Variants in PARD3 observed in about 807,000 individuals in gnomAD.
The protein encoded by PARD3 is par-3 family cell polarity regulator.
A neutral mutation model predicts 155.4 loss-of-function variants in PARD3; 75 were observed. The observed-to-expected ratio is 0.48, with a 90% CI of 0.40 to 0.58. PARD3 has a LOEUF of 0.58. PARD3 is among the 20% of genes least tolerant of loss of function. The pLI is 0.00. For missense variants in PARD3, 1,642 were observed against 1,721.7 expected (o/e 0.95, Z 0.82); for synonymous variants, 576 against 610.5 (o/e 0.94, Z 0.83).
intron 2 of PARD3, among the ~76,000 whole-genome samples, chr10:34,670,287 T>C (rs1410360300): frequency 6.6e-6 from 1 of 152,212 alleles, no homozygotes; most frequent in Non-Finnish European, 1.5e-5. Context: ...CTGACACCAA[T>C]ACCAGCCAGC....
Position 34,229,918 on chromosome 10 carries a change from A to C in PARD3, c.3419+39739T>G, listed in dbSNP as rs560185064. On this transcript the variant is annotated intron_variant, in intron 22 of 24. Transcript: ENST00000374788. ...TACCTTTTCTTACATAAAAGTCTTAAGTGAGAACTATTCATCTAGCTTTTG... is the reference window on the plus strand; with the variant it reads ...TACCTTTTCTTACATAAAAGTCTTACGTGAGAACTATTCATCTAGCTTTTG... Among the ~76,000 whole-genome samples the C allele has an allele frequency of 4.1e-4, 62 of 152,240 alleles. 1 individual carries two copies. Among genetic ancestry groups the C allele is most frequent in the African/African-American group, 1.5e-3 (61 of 41,478 alleles).
intron 1 of PARD3, among the ~76,000 whole-genome samples, chr10:34,769,795 AAAAC>A (rs1312731265): frequency 5.8e-5 from 1 of 17,338 alleles, no homozygotes; most frequent in African/African-American, 9.3e-5. Context: ...AACGAACAAA[AAAAC>A]AAAACAAAAA....
chr10:34,390,987 G>C lies in PARD3; in HGVS notation c.891-6733C>G, dbSNP rs147416047. On this transcript the variant is annotated intron_variant, in intron 7 of 24. Transcript: ENST00000374788. ...TGTCAATTCCAAATAAGATCCTACAGGTTCTGCTGACTCCCCCATTGAGTG... is the reference window on the plus strand; with the variant it reads ...TGTCAATTCCAAATAAGATCCTACACGTTCTGCTGACTCCCCCATTGAGTG... 3.0e-3 allele frequency among the ~76,000 whole-genome samples: 456 copies of C among 152,288 alleles called. 2 individuals are homozygous for C. The highest frequency in any genetic ancestry group is 0.01 in the African/African-American group (432 of 41,560).
At chr10:34,130,771 A>G (rs78941375) in intron 23 of PARD3, among the ~76,000 whole-genome samples, 1 of 152,224 alleles carries the variant, frequency 6.6e-6, no homozygotes, top group African/African-American at 2.4e-5. Flanking sequence ...AAGAATCAAG[A>G]ATTACTAGAC....
At chr10:34,203,279 T>C (rs1308600280) in intron 22 of PARD3, among the ~76,000 whole-genome samples, 1 of 152,180 alleles carries the variant, frequency 6.6e-6, no homozygotes, top group African/African-American at 2.4e-5. Context: ...CAAAATGGAT[T>C]AATCACCCAT....
intron 20 of PARD3, among the ~76,000 whole-genome samples, chr10:34,292,238 C>T (rs1478970522): frequency 1.3e-5 from 2 of 152,192 alleles, no homozygotes; most frequent in Admixed American, 6.5e-5. Context: ...ATTCTGGCCA[C>T]ATTTTTTGTA....
At chr10:34,400,142 G>A (rs1032181615) in intron 6 of PARD3, among the ~76,000 whole-genome samples, 6 of 152,278 alleles carry the variant, frequency 3.9e-5, no homozygotes, top group Admixed American at 2.6e-4. Flanking sequence ...AAAATTGCTC[G>A]AAATTAATTT....
rs531578595 is a variant in PARD3 at position 34,606,965 on chromosome 10, TAAAAAAAAAAA to T, written c.222+89342_222+89352del. On this transcript the variant is annotated intron_variant, in intron 2 of 24. Coordinates refer to ENST00000374788, the MANE Select transcript of PARD3 (RefSeq NM_001184785.2). ...CTGGTGACAGAGAGAGACTCTGTCT[TAAAAAAAAAAA>T]AAAAAAAAAAGACAGCCAAACACAG... Among the ~76,000 whole-genome samples the T allele has an allele frequency of 2.4e-4, 28 of 114,824 alleles. No individual in the cohort carries two copies. In the South Asian group the frequency reaches 8.1e-3, roughly 33 times the overall value. 75.3% of individuals were successfully genotyped at this position (114,824 alleles called of 152,430 possible).
At chr10:34,801,821 G>C (rs1240678380) in intron 1 of PARD3, among the ~76,000 whole-genome samples, 3 of 151,956 alleles carry the variant, frequency 2.0e-5, no homozygotes, top group African/African-American at 7.3e-5. Flanking sequence ...TATATAGTAA[G>C]GATTAGAAAA....
chr10:34,446,689 T>A lies in PARD3; in HGVS notation c.714+3628A>T, dbSNP rs372734629. Among the ~76,000 whole-genome samples the A allele has an allele frequency of 1.2e-4, 18 of 152,356 alleles. No individual in the cohort carries two copies. The East Asian group carries it at 2.3e-3, about 20-fold the overall frequency. ...CATAGAACTGCCATGGCTGTTTTAT[T>A]ATTTAAAATTATTTCCATCACACAA... On this transcript the variant is annotated intron_variant, in intron 5 of 24. Transcript: ENST00000374788.
chr10:34,789,854 T>G (rs1841432743), intron 1 of PARD3, among the ~76,000 whole-genome samples: 1 of 152,260 alleles, frequency 6.6e-6, no homozygotes, highest in Non-Finnish European at 1.5e-5. Context: ...TCATCTGTGC[T>G]GGCCACATTT....
At chr10:34,663,593 T>A (rs955937026) in intron 2 of PARD3, among the ~76,000 whole-genome samples, 2 of 151,978 alleles carry the variant, frequency 1.3e-5, no homozygotes, top group African/African-American at 4.8e-5. Context: ...AAATAAAAAA[T>A]TTTTAAAAAA....
chr10:34,275,508 A>T (rs1399124008), intron 21 of PARD3, among the ~76,000 whole-genome samples: 1 of 152,186 alleles, frequency 6.6e-6, no homozygotes, highest in Admixed American at 6.6e-5. Flanking sequence ...GATTTTCATA[A>T]ATTTTAGTGG....
chr10:34,129,593 C>T (rs1446151970), intron 23 of PARD3, among the ~76,000 whole-genome samples: 3 of 152,004 alleles, frequency 2.0e-5, no homozygotes, highest in Non-Finnish European at 2.9e-5. Context: ...GCTCTTCCTA[C>T]ATTTCTACCT....
chr10:34,371,672 G>C (rs1038006796), intron 12 of PARD3, among the ~76,000 whole-genome samples: 1 of 151,744 alleles, frequency 6.6e-6, no homozygotes, highest in East Asian at 1.9e-4. Context: ...TTTTTGGAAA[G>C]GGACATATTG....
chr10:34,501,365 C>T (rs1436737692), intron 3 of PARD3, among the ~76,000 whole-genome samples: 1 of 152,124 alleles, frequency 6.6e-6, no homozygotes, highest in Non-Finnish European at 1.5e-5. Context: ...GTGCCTCCTC[C>T]CCCTTCAACT....
At chr10:34,598,531 A>G (rs1439716483) in intron 2 of PARD3, among the ~76,000 whole-genome samples, 1 of 152,226 alleles carries the variant, frequency 6.6e-6, no homozygotes, top group Non-Finnish European at 1.5e-5. Flanking sequence ...GAGAATGAAA[A>G]AAAATATTTT....
At chr10:34,321,800 C>T (rs764242624) in intron 19 of PARD3, among the ~76,000 whole-genome samples, 10 of 152,136 alleles carry the variant, frequency 6.6e-5, no homozygotes, top group Non-Finnish European at 1.3e-4. Context: ...TGGAAAAGAT[C>T]GGGCATTTAC....
intron 2 of PARD3, among the ~76,000 whole-genome samples, chr10:34,620,450 T>C (rs1477567401): frequency 1.3e-5 from 2 of 152,198 alleles, no homozygotes; most frequent in African/African-American, 4.8e-5. Flanking sequence ...CCTTAATACA[T>C]AAAAGAGCTG....
Sources: gnomAD v4.1 joint callset for allele counts (sites outside exome capture counted in the v4.1 genomes callset) on GRCh38, gnomAD v4.1.1 for gene constraint, MANE v1.5 for transcripts, NCBI Gene and HGNC (gene_info 2026-07-23, HGNC 2026-07-21) for gene names.